Variants in TMTC2 observed in about 807,000 individuals in gnomAD.
TMTC2 encodes the protein protein O-mannosyl-transferase TMTC2.
Under a neutral mutation model 82.4 loss-of-function variants are expected in TMTC2, and 43 were observed. The observed-to-expected ratio is 0.52, with a 90% CI of 0.41 to 0.67. TMTC2 has a LOEUF of 0.67. TMTC2 is among the 30% of genes least tolerant of loss of function. TMTC2 has a pLI of 0.00. For missense variants in TMTC2, 919 were observed against 1,012.4 expected (o/e 0.91, Z 1.25); for synonymous variants, 408 against 381.9 (o/e 1.07, Z -0.80).
At chr12:82,749,011 A>G (rs1484962709) in intron 1 of TMTC2, among the ~76,000 whole-genome samples, 1 of 152,244 alleles carries the variant, frequency 6.6e-6, no homozygotes, top group Non-Finnish European at 1.5e-5. Flanking sequence ...GTCTCTTAAA[A>G]TGTTTTTAGT....
chr12:82,775,619 G>A (rs557525298), intron 1 of TMTC2, among the ~76,000 whole-genome samples: 18 of 152,104 alleles, frequency 1.2e-4, no homozygotes, highest in Non-Finnish European at 2.5e-4. Context: ...AGAGTTCTAA[G>A]TAATGAATAA....
chr12:82,705,549 G>T (rs1873315235), intron 1 of TMTC2, among the ~76,000 whole-genome samples: 1 of 152,208 alleles, frequency 6.6e-6, no homozygotes, highest in Admixed American at 6.6e-5. Flanking sequence ...ATATTGTAGT[G>T]TAAAAATATG....
chr12:83,034,175 G>A lies in TMTC2; in HGVS notation c.2152+3296G>A, dbSNP rs1047623888. On this transcript the variant is annotated intron_variant, in intron 9 of 11. Transcript: ENST00000321196. Reference sequence around the variant, plus strand: ...GTAATACTGTATAGGAAATAAACAGGATGTCATCTTTAGAAGGTGATGAGG... The same window carrying A: ...GTAATACTGTATAGGAAATAAACAGAATGTCATCTTTAGAAGGTGATGAGG... Among the ~76,000 whole-genome samples, 66 of 152,024 alleles carry A rather than the reference G, an allele frequency of 4.3e-4. 1 individual carries two copies. The highest frequency in any genetic ancestry group is 1.6e-3 in the African/African-American group (65 of 41,358).
intron 11 of TMTC2, among the ~76,000 whole-genome samples, chr12:83,085,784 T>C (rs1432242924): frequency 1.3e-5 from 2 of 152,224 alleles, no homozygotes; most frequent in Non-Finnish European, 2.9e-5. Context: ...TCTGGGACTC[T>C]TTGTTTTCAG....
At chr12:82,730,393 T>C (rs1482602281) in intron 1 of TMTC2, among the ~76,000 whole-genome samples, 1 of 151,834 alleles carries the variant, frequency 6.6e-6, no homozygotes, top group East Asian at 1.9e-4. Context: ...CTTCTGCTAT[T>C]GGAATAATAA....
chr12:82,922,685 A>G (rs1460511689), intron 3 of TMTC2, among the ~76,000 whole-genome samples: 2 of 152,186 alleles, frequency 1.3e-5, no homozygotes, highest in African/African-American at 4.8e-5. Flanking sequence ...TTTAAAATAT[A>G]CCTTTGATTT....
chr12:82,996,480 G>A (rs1187643281), intron 8 of TMTC2, among the ~76,000 whole-genome samples: 2 of 152,190 alleles, frequency 1.3e-5, no homozygotes, highest in Non-Finnish European at 2.9e-5. Context: ...ACTCTCATTT[G>A]TACAACATAA....
rs924258447 is a variant in TMTC2, at chr12:82,701,416, A to G, written c.83+13747A>G. 2.0e-5 allele frequency among the ~76,000 whole-genome samples: 3 copies of G among 151,994 alleles called. No homozygotes were observed. The East Asian group carries it at 5.8e-4, about 29-fold the overall frequency. On this transcript the variant is annotated intron_variant, in intron 1 of 11. Coordinates refer to ENST00000321196, the MANE Select transcript of TMTC2 (RefSeq NM_152588.3). Reference sequence around the variant, plus strand: ...TTCCTTCATACTCTCACCAGGACCTACAACTTGTATTACTTTATTTATAAG... The same window carrying G: ...TTCCTTCATACTCTCACCAGGACCTGCAACTTGTATTACTTTATTTATAAG...
At chr12:82,797,111 G>GC (rs1171599644) in intron 1 of TMTC2, among the ~76,000 whole-genome samples, 2 of 152,000 alleles carry the variant, frequency 1.3e-5, no homozygotes, top group African/African-American at 4.8e-5. Flanking sequence ...TACATTGTTC[G>GC]TAGTATCATT....
chr12:82,961,430 C>T (rs972368803), intron 4 of TMTC2, among the ~76,000 whole-genome samples: 9 of 151,908 alleles, frequency 5.9e-5, no homozygotes, highest in South Asian at 4.1e-4. Flanking sequence ...ATATAAAATT[C>T]GGCAAGTTTT....
intron 1 of TMTC2, among the ~76,000 whole-genome samples, chr12:82,805,136 C>G (rs1879183326): frequency 6.6e-6 from 1 of 151,898 alleles, no homozygotes; most frequent in Admixed American, 6.6e-5. Flanking sequence ...GTAGAACTTT[C>G]AAAAAGAGGC....
intron 7 of TMTC2, among the ~76,000 whole-genome samples, chr12:82,980,367 C>T (rs926223675): frequency 6.6e-6 from 1 of 151,720 alleles, no homozygotes; most frequent in Non-Finnish European, 1.5e-5. Flanking sequence ...AACCTGATAT[C>T]TTAGAAGGAA....
intron 3 of TMTC2, among the ~76,000 whole-genome samples, chr12:82,901,248 T>A (rs1205778128): frequency 7.2e-6 from 1 of 139,120 alleles, no homozygotes; most frequent in Admixed American, 7.5e-5. Context: ...TATATAGGAA[T>A]ATATATATAT....
chr12:82,937,956 C>T (rs1876494378), intron 4 of TMTC2, among the ~76,000 whole-genome samples: 1 of 146,766 alleles, frequency 6.8e-6, no homozygotes, highest in Non-Finnish European at 1.5e-5. Context: ...ACGCTGTCGC[C>T]CAGGGTGGAG....
At chr12:82,899,510 A>AAT (rs1017264681) in intron 3 of TMTC2, among the ~76,000 whole-genome samples, 5 of 147,002 alleles carry the variant, frequency 3.4e-5, no homozygotes, top group African/African-American at 7.6e-5. Context: ...TTTTATCTGG[A>AAT]ATATATATAT....
intron 1 of TMTC2, among the ~76,000 whole-genome samples, chr12:82,778,835 C>T (rs1244747511): frequency 2.0e-5 from 2 of 99,980 alleles, no homozygotes; most frequent in African/African-American, 4.4e-5. Flanking sequence ...GGCGACAGAG[C>T]GAGACTCCGT....
chr12:82,791,043 A>G (rs1049607371), intron 1 of TMTC2, among the ~76,000 whole-genome samples: 1 of 151,996 alleles, frequency 6.6e-6, no homozygotes, highest in Non-Finnish European at 1.5e-5. Flanking sequence ...TCTGTATTGT[A>G]GGACCAGATG....
intron 7 of TMTC2, among the ~76,000 whole-genome samples, chr12:82,978,693 C>T (rs1565836862): frequency 1.3e-5 from 2 of 151,706 alleles, no homozygotes; most frequent in Non-Finnish European, 3.0e-5. Flanking sequence ...CTGTAAATAT[C>T]TATTAGATCC....
chr12:83,012,658 G>T (rs756183546), intron 8 of TMTC2, among the ~76,000 whole-genome samples: 13 of 152,074 alleles, frequency 8.5e-5, no homozygotes, highest in East Asian at 1.9e-4. Flanking sequence ...TGATAACATA[G>T]AAGAGTATGA....
Sources: allele counts gnomAD v4.1 joint callset (sites outside exome capture counted in the v4.1 genomes callset), GRCh38; gene constraint gnomAD v4.1.1; transcripts MANE v1.5; gene names NCBI Gene and HGNC (gene_info 2026-07-23, HGNC 2026-07-21).